The following STAC variants were observed in gnomAD, a reference collection of about 807,000 sequenced individuals.
STAC encodes SH3 and cysteine-rich domain-containing protein.
In STAC, 43 loss-of-function variants were observed where a neutral mutation model predicts 48.8. That is an observed-to-expected ratio of 0.88 (90% CI 0.69 to 1.14). STAC has a LOEUF of 1.14. Among genes scored for constraint, STAC ranks in the 50% most tolerant of loss-of-function variants. The probability of loss-of-function intolerance (pLI) is 0.00; values close to 1 mark genes in which losing one functional copy is unlikely to be tolerated. For synonymous variants in STAC, 193 were observed against 179.5 expected (o/e 1.07, Z -0.60); for missense variants, 497 against 504.0 (o/e 0.99, Z 0.13).
chr3:36,409,560 G>A (rs1700149557), intron 1 of STAC: 2 of 152,178 alleles, frequency 1.3e-5, no homozygotes, highest in Non-Finnish European at 2.9e-5. Context: ...GAACTCTTGA[G>A]GAATCATGTC....
In STAC at chr3:36,444,848, G is replaced by A. The variant is rs766641195; in HGVS notation, c.388+1208G>A. Among the ~76,000 whole-genome samples, 3 of 152,224 alleles carry A rather than the reference G, an allele frequency of 2.0e-5. 1 individual carries two copies. The highest frequency in any genetic ancestry group is 4.2e-4 in the South Asian group (2 of 4,812). On this transcript the variant is annotated intron_variant, in intron 2 of 10. Coordinates refer to ENST00000273183, the MANE Select transcript of STAC (RefSeq NM_003149.3). ...ACCCTTCTACTTCACATCTCCATAC[G>A]GACTTAATGCCTAGCATCTGACTGT...
chr3:36,530,593 C>CTTTTTTTTTT (rs577222686), intron 10 of STAC, among the ~76,000 whole-genome samples: 3 of 72,020 alleles, frequency 4.2e-5, no homozygotes, highest in African/African-American at 6.1e-5. Flanking sequence ...TTTTTTTTTT[C>CTTTTTTTTTT]TTTTTTTTTT....
intron 10 of STAC, 50 bp from the exon 11 acceptor site, chr3:36,546,141 G>C: frequency 6.6e-7 from 1 of 1,523,956 alleles, no homozygotes; most frequent in Non-Finnish European, 9.1e-7. Flanking sequence ...TTCTAACTTC[G>C]TTCTTGCTGA....
chr3:36,454,340 G>C (rs1321153145), intron 2 of STAC, among the ~76,000 whole-genome samples: 2 of 151,768 alleles, frequency 1.3e-5, no homozygotes, highest in Non-Finnish European at 2.9e-5. Context: ...GTCGCCTTAA[G>C]AGCTGTAACA....
chr3:36,451,687 T>C (rs568896904), intron 2 of STAC, among the ~76,000 whole-genome samples: 9 of 152,352 alleles, frequency 5.9e-5, no homozygotes, highest in African/African-American at 1.9e-4. Flanking sequence ...ATGCATACAG[T>C]GTTTAATGAT....
At chr3:36,400,867 T>G (rs1699987310) in intron 1 of STAC, among the ~76,000 whole-genome samples, 1 of 152,200 alleles carries the variant, frequency 6.6e-6, no homozygotes, top group Non-Finnish European at 1.5e-5. Context: ...TCTGTAGATA[T>G]TCCCTTCATA....
rs4678869 is a variant in STAC at position 36,393,571 on chromosome 3, G to A, written c.111+12817G>A. ...TGAAACTCTAATCTCCAATGTGATA[G>A]TGTTTGGACATCAGCCTTTGGGAGA... is the stretch of plus-strand genomic sequence containing the variant. On this transcript the variant is annotated intron_variant, in intron 1 of 10. Coordinates refer to ENST00000273183, the MANE Select transcript of STAC (RefSeq NM_003149.3). 1.0e-3 allele frequency among the ~76,000 whole-genome samples: 155 copies of A among 151,830 alleles called. 1 individual carries two copies. Among genetic ancestry groups the A allele is most frequent in the Admixed American group, 8.9e-3 (135 of 15,232 alleles).
chr3:36,503,242 TACC>T (rs1300442548), intron 6 of STAC, among the ~76,000 whole-genome samples: 2 of 152,158 alleles, frequency 1.3e-5, no homozygotes, highest in Non-Finnish European at 2.9e-5. Flanking sequence ...TGGAAATATT[TACC>T]ACATTTTTGT....
intron 10 of STAC, among the ~76,000 whole-genome samples, chr3:36,541,085 G>A (rs375189397): frequency 8.4e-4 from 128 of 152,170 alleles, no homozygotes; most frequent in East Asian, 1.9e-3. Context: ...TGATAGCTAC[G>A]TCCCCTAGTG....
At chr3:36,446,135 C>T (rs1319019881) in intron 2 of STAC, among the ~76,000 whole-genome samples, 1 of 152,206 alleles carries the variant, frequency 6.6e-6, no homozygotes, top group Non-Finnish European at 1.5e-5. Context: ...TTACCAGGCT[C>T]TCAGACCTGT....
chr3:36,499,506 G>A (rs1389645243), intron 6 of STAC, among the ~76,000 whole-genome samples: 1 of 151,640 alleles, frequency 6.6e-6, no homozygotes, highest in Non-Finnish European at 1.5e-5. Flanking sequence ...AGATGAGAAG[G>A]AGAAAAAAAT....
In STAC at chr3:36,443,720, C is replaced by T. The variant is rs568267389; in HGVS notation, c.388+80C>T. 1.3e-6 allele frequency: 2 copies of T among 1,534,108 alleles called. No individual in the cohort carries two copies. Among genetic ancestry groups the T allele is most frequent in the South Asian group, 2.4e-5 (2 of 84,512 alleles). On this transcript the variant is annotated intron_variant, in intron 2 of 10. Transcript: ENST00000273183. This position sits in a 1 kb window ranked among gnomAD's most constrained non-coding sequence, Gnocchi z 4.2. The stretch of plus-strand genomic sequence containing the variant: ...GAGTGGTGTGCCACGGGTCCAGGTA[C>T]CTACGGACAGATGCTAGGCCTCAGA...
intron 1 of STAC, among the ~76,000 whole-genome samples, chr3:36,424,320 T>C (rs1700515652): frequency 6.6e-6 from 1 of 151,868 alleles, no homozygotes; most frequent in South Asian, 2.1e-4. Flanking sequence ...TGTTTTAGAG[T>C]CCAGCCATGT....
intron 1 of STAC, among the ~76,000 whole-genome samples, chr3:36,399,049 G>C (rs1053421230): frequency 6.6e-6 from 1 of 152,224 alleles, no homozygotes; most frequent in African/African-American, 2.4e-5. Flanking sequence ...GTGCACCAGA[G>C]TTGCCCCTCC....
intron 1 of STAC, among the ~76,000 whole-genome samples, chr3:36,408,265 C>T (rs1299726231): frequency 6.6e-6 from 1 of 152,208 alleles, no homozygotes; most frequent in East Asian, 1.9e-4. Context: ...GGACTATGTA[C>T]TCCTGCTCCC....
At chr3:36,439,071 TC>T (rs1023688969) in intron 1 of STAC, among the ~76,000 whole-genome samples, 3 of 152,190 alleles carry the variant, frequency 2.0e-5, no homozygotes, top group Admixed American at 6.5e-5. Flanking sequence ...TCTCCTCCAC[TC>T]CTCCATCCAT....
intron 2 of STAC, among the ~76,000 whole-genome samples, chr3:36,463,298 T>G (rs1697070401): frequency 1.3e-5 from 2 of 152,048 alleles, no homozygotes; most frequent in African/African-American, 4.8e-5. Context: ...CTGAAATAAT[T>G]TTTCTTTTAA....
chr3:36,451,214 GTTC>G (rs1012066613), intron 2 of STAC, among the ~76,000 whole-genome samples: 5 of 151,952 alleles, frequency 3.3e-5, no homozygotes, highest in African/African-American at 1.2e-4. Flanking sequence ...TATATAATAT[GTTC>G]TTCTACTAAT....
At chr3:36,523,392 A>G (rs922339838) in intron 8 of STAC, among the ~76,000 whole-genome samples, 7 of 152,230 alleles carry the variant, frequency 4.6e-5, no homozygotes, top group Admixed American at 6.5e-5. Flanking sequence ...TATGAATTGC[A>G]TTATACTTTA....
Sources: gnomAD v4.1 joint callset for allele counts (sites outside exome capture counted in the v4.1 genomes callset) on GRCh38, gnomAD v4.1.1 for gene constraint, Gnocchi (gnomAD v3.1) non-coding constraint, MANE v1.5 for transcripts, NCBI Gene and HGNC (gene_info 2026-07-23, HGNC 2026-07-21) for gene names.